Variants in PRELID2 observed in about 807,000 individuals in gnomAD.
PRELID2 encodes PRELI domain-containing protein 2.
A neutral mutation model predicts 28.4 loss-of-function variants in PRELID2; 25 were observed. The observed-to-expected ratio is 0.88, with a 90% CI of 0.64 to 1.23. The LOEUF is 1.23. Among genes scored for constraint, PRELID2 ranks in the 50% most tolerant of loss-of-function variants. The pLI, the probability that PRELID2 is intolerant of heterozygous loss-of-function variation, is 0.00. For missense variants in PRELID2, 201 were observed against 214.4 expected, an observed-to-expected ratio of 0.94 and a Z score of 0.39; for synonymous variants, 76 against 71.6, an observed-to-expected ratio of 1.06 and a Z score of -0.31.
Position 145,758,525 on chromosome 5 carries a change from C to A in PRELID2, c.*2011G>T, listed in dbSNP as rs1757330713. 6.6e-6 allele frequency among the ~76,000 whole-genome samples: 1 copy of A among 152,086 alleles called. No homozygotes were observed. Among genetic ancestry groups the A allele is most frequent in the Non-Finnish European group, 1.5e-5 (1 of 68,022 alleles). On this transcript the variant is annotated 3_prime_UTR_variant, in exon 7 of 7. Transcript: ENST00000683046. Reference sequence around the variant, plus strand: ...GGCATCAGAATTGCAGAAAGCTCCCCAAGCAATCCTAACAGACAGCCAAGG... The same window carrying A: ...GGCATCAGAATTGCAGAAAGCTCCCAAAGCAATCCTAACAGACAGCCAAGG...
the PRELID2 span, among the ~76,000 whole-genome samples, chr5:145,245,419 G>A: frequency 1.3e-5 from 2 of 148,232 alleles, no homozygotes; most frequent in African/African-American, 4.9e-5. Context: ...GAGAAAGAGA[G>A]AGAGAGAGAG....
In PRELID2 at chr5:145,598,926, G is replaced by A. The variant is rs147922834; in HGVS notation, n.71-125611C>T. On this transcript the variant is annotated intron_variant and non_coding_transcript_variant, in intron 1 of 2. Coordinates refer to the PRELID2 transcript ENST00000510259. Reference sequence around the variant, plus strand: ...GCTAAATACTCAAAGAATTATTAGAGTTCTGGTTCCACTGGTGCAAACATA... The same window carrying A: ...GCTAAATACTCAAAGAATTATTAGAATTCTGGTTCCACTGGTGCAAACATA... Among the ~76,000 whole-genome samples, 515 of 152,254 alleles carry A rather than the reference G, an allele frequency of 3.4e-3. 5 individuals carry two copies. The highest frequency in any genetic ancestry group is 5.0e-3 in the South Asian group (24 of 4,824).
At chr5:145,370,579 T>G in the PRELID2 span, among the ~76,000 whole-genome samples, 1 of 152,178 alleles carries the variant, frequency 6.6e-6, no homozygotes, top group African/African-American at 2.4e-5. Flanking sequence ...TTGTTCTTTT[T>G]TCTTAGAATT....
the PRELID2 span, among the ~76,000 whole-genome samples, chr5:145,407,555 T>A: frequency 9.2e-5 from 14 of 152,168 alleles, no homozygotes; most frequent in East Asian, 2.7e-3. Flanking sequence ...AGACATAAAT[T>A]CTTAGAAGCC....
chr5:145,347,965 G>A, the PRELID2 span, among the ~76,000 whole-genome samples: 9 of 152,002 alleles, frequency 5.9e-5, no homozygotes, highest in Admixed American at 5.9e-4. Flanking sequence ...CCATGTTTTA[G>A]GTCAGAGTCA....
At chr5:145,343,537 T>C in the PRELID2 span, among the ~76,000 whole-genome samples, 4 of 151,770 alleles carry the variant, frequency 2.6e-5, no homozygotes, top group African/African-American at 9.7e-5. Context: ...GGGAAATTTA[T>C]AGCAAAAAAT....
At chr5:145,433,174 A>G in the PRELID2 span, among the ~76,000 whole-genome samples, 1 of 152,126 alleles carries the variant, frequency 6.6e-6, no homozygotes, top group African/African-American at 2.4e-5. Flanking sequence ...CAGGATGTGT[A>G]GTATTAGAAA....
downstream of PRELID2, among the ~76,000 whole-genome samples, chr5:145,755,326 G>T (rs1338013050): frequency 1.3e-5 from 2 of 152,166 alleles, no homozygotes; most frequent in Non-Finnish European, 2.9e-5. Context: ...TTAGCAGAAA[G>T]ACACACAGGA....
At chr5:145,244,515 G>T in the PRELID2 span, among the ~76,000 whole-genome samples, 80 of 152,090 alleles carry the variant, frequency 5.3e-4, no homozygotes, top group East Asian at 0.01. Context: ...AGGAGGGAAA[G>T]GCTGTTATGA....
At chr5:145,452,661 T>G in the PRELID2 span, among the ~76,000 whole-genome samples, 19 of 152,190 alleles carry the variant, frequency 1.2e-4, no homozygotes, top group African/African-American at 4.1e-4. Flanking sequence ...GTGTGTATCT[T>G]TTTAACGGTG....
chr5:145,298,670 C>T, the PRELID2 span, among the ~76,000 whole-genome samples: 3 of 152,000 alleles, frequency 2.0e-5, no homozygotes, highest in African/African-American at 4.8e-5. Flanking sequence ...AATGCCGGTA[C>T]GTGTCAAGAC....
chr5:145,612,660 C>T (rs1753633907), intron 1 of PRELID2, among the ~76,000 whole-genome samples: 1 of 152,132 alleles, frequency 6.6e-6, no homozygotes, highest in East Asian at 1.9e-4. Context: ...CATTCTTATG[C>T]CTTTGTATCC....
intron 1 of PRELID2, among the ~76,000 whole-genome samples, chr5:145,594,854 C>T (rs59004463): frequency 0.07 from 10,659 of 152,102 alleles, 572 homozygotes; most frequent in Admixed American, 0.18. Flanking sequence ...AGACCAGGCA[C>T]GGTGGCTCAC....
At chr5:145,315,064 C>A in the PRELID2 span, among the ~76,000 whole-genome samples, 79 of 100,586 alleles carry the variant, frequency 7.9e-4, no homozygotes, top group East Asian at 0.019. Flanking sequence ...TACAATAATT[C>A]TTTTTTTTTT....
chr5:145,344,401 C>A, the PRELID2 span, among the ~76,000 whole-genome samples: 66 of 152,036 alleles, frequency 4.3e-4, no homozygotes, highest in African/African-American at 1.5e-3. Context: ...AGGACAAAAA[C>A]CATATGATTT....
chr5:145,543,660 T>A (rs868425827), intron 1 of PRELID2, among the ~76,000 whole-genome samples: 4 of 152,100 alleles, frequency 2.6e-5, no homozygotes, highest in African/African-American at 4.8e-5. Flanking sequence ...AATGGCTTCA[T>A]GTGGCATTTG....
chr5:145,337,002 G>A, the PRELID2 span, among the ~76,000 whole-genome samples: 3,958 of 149,312 alleles, frequency 0.027, 195 homozygotes, highest in African/African-American at 0.093. Flanking sequence ...TAGGGCATAT[G>A]CCTAATGCTA....
At chr5:145,670,358 C>T (rs1290870280) in intron 1 of PRELID2, among the ~76,000 whole-genome samples, 1 of 152,118 alleles carries the variant, frequency 6.6e-6, no homozygotes, top group African/African-American at 2.4e-5. Flanking sequence ...GGCACCAAAT[C>T]ATTCATGAGG....
chr5:145,707,523 T>C (rs558941450), intron 1 of PRELID2, among the ~76,000 whole-genome samples: 1 of 152,322 alleles, frequency 6.6e-6, no homozygotes, highest in East Asian at 1.9e-4. Flanking sequence ...TAAGTTAGTA[T>C]GTTTAGTTTC....
Sources: gnomAD v4.1 joint callset for allele counts (sites outside exome capture counted in the v4.1 genomes callset) on GRCh38, gnomAD v4.1.1 for gene constraint, MANE v1.5 for transcripts, NCBI Gene and HGNC (gene_info 2026-07-23, HGNC 2026-07-21) for gene names.